The following PLEKHG5 variants were observed in gnomAD, a reference collection of about 807,000 sequenced individuals.
PLEKHG5 encodes pleckstrin homology and RhoGEF domain containing G5, also known as pleckstrin homology domain-containing family G member 5.
In PLEKHG5, 52 loss-of-function variants were observed where a neutral mutation model predicts 103.8. The observed-to-expected ratio is 0.50, with a 90% CI of 0.40 to 0.63. The LOEUF (loss-of-function observed/expected upper bound fraction) is 0.63. Ranked by LOEUF, PLEKHG5 falls within the 30% of genes least tolerant of loss-of-function variation. PLEKHG5 has a pLI of 0.00. For synonymous variants in PLEKHG5, 592 were observed against 575.5 expected (o/e 1.03, Z -0.41); for missense variants, 1,205 against 1,347.6 (o/e 0.89, Z 1.66).
At chr1:6,513,772 A>G (rs910082479) in intron 1 of PLEKHG5, among the ~76,000 whole-genome samples, 1 of 152,228 alleles carries the variant, frequency 6.6e-6, no homozygotes, top group Admixed American at 6.5e-5. Flanking sequence ...GGAAACTGTC[A>G]CTACTGTCAC....
chr1:6,508,062 A>G (rs1473360918), intron 1 of PLEKHG5, among the ~76,000 whole-genome samples: 1 of 152,016 alleles, frequency 6.6e-6, no homozygotes, highest in East Asian at 1.9e-4. Context: ...TGGGAGCCAC[A>G]CCTGGTTATT....
At chr1:6,510,052 C>T (rs2148636426) in intron 1 of PLEKHG5, among the ~76,000 whole-genome samples, 1 of 152,326 alleles carries the variant, frequency 6.6e-6, no homozygotes. Context: ...CCCAGGGCAG[C>T]CGGGGAGAGC....
chr1:6,489,088 G>A (rs796260554), intron 1 of PLEKHG5, among the ~76,000 whole-genome samples: 24 of 152,302 alleles, frequency 1.6e-4, no homozygotes, highest in African/African-American at 3.4e-4. Flanking sequence ...GACAGCAGAC[G>A]GGCCTGGAAC....
At chr1:6,497,336 G>T, upstream of PLEKHG5, 1 of 1,006,202 alleles carries the variant, frequency 9.9e-7, no homozygotes, top group Non-Finnish European at 1.3e-6. The surrounding 1 kb of genome is among the most constrained non-coding windows in gnomAD (Gnocchi z 6.1). Flanking sequence ...AGCAGGCCCC[G>T]TGCCGCGCGG....
chr1:6,498,136 G>GC (rs1645254527), upstream of PLEKHG5, among the ~76,000 whole-genome samples: 1 of 152,202 alleles, frequency 6.6e-6, no homozygotes, highest in Non-Finnish European at 1.5e-5. Context: ...CGCAGAGGTG[G>GC]CCAAGAGTCT....
At chr1:6,472,849 C>T (rs989545785) in intron 9 of PLEKHG5, 137 bp downstream of exon 9, 3 of 855,110 alleles carry the variant, frequency 3.5e-6, no homozygotes, top group African/African-American at 1.7e-5. Flanking sequence ...TTTCATCTAG[C>T]CTCAGTGTCT....
chr1:6,503,407 CT>C (rs111752953), intron 1 of PLEKHG5, among the ~76,000 whole-genome samples: 39,971 of 125,424 alleles, frequency 0.32, 6,193 homozygotes, highest in South Asian at 0.41. Flanking sequence ...ACAACCCTGT[CT>C]TTTTTTTTTT....
chr1:6,471,664 C>T (rs1256974977), intron 11 of PLEKHG5, 27 bp from the exon 12 acceptor site: 1 of 1,567,154 alleles, frequency 6.4e-7, no homozygotes, highest in Non-Finnish European at 8.6e-7. Context: ...GTGCGGTTGG[C>T]CACGCCCCTC....
chr1:6,491,942 T>G (rs1645156782), upstream of PLEKHG5, among the ~76,000 whole-genome samples: 1 of 152,228 alleles, frequency 6.6e-6, no homozygotes, highest in Non-Finnish European at 1.5e-5. This position sits in a 1 kb window ranked among gnomAD's most constrained non-coding sequence, Gnocchi z 4.1. Flanking sequence ...GAACCCCACC[T>G]CCCTGTCAAG....
intron 7 of PLEKHG5, 138 bp downstream of exon 7, chr1:6,473,875 C>T: frequency 4.6e-6 from 4 of 871,524 alleles, no homozygotes; most frequent in Non-Finnish European, 7.0e-6. Context: ...TCCCAGCCAA[C>T]CCCATTTTCC....
At chr1:6,485,575 C>G in intron 1 of PLEKHG5, 1 of 894,528 alleles carries the variant, frequency 1.1e-6, no homozygotes, top group Non-Finnish European at 1.5e-6. Context: ...CGGAACAGCC[C>G]CCAGCCCCCC....
At chr1:6,498,554 C>T (rs1188822080), upstream of PLEKHG5, among the ~76,000 whole-genome samples, 7 of 152,264 alleles carry the variant, frequency 4.6e-5, no homozygotes, top group Non-Finnish European at 1.0e-4. Context: ...GTGACCCTGA[C>T]AAGACTTGGG....
At chr1:6,495,670 A>G (rs1645214087), upstream of PLEKHG5, among the ~76,000 whole-genome samples, 1 of 152,128 alleles carries the variant, frequency 6.6e-6, no homozygotes, top group East Asian at 1.9e-4. Flanking sequence ...GCCAGATGCT[A>G]AGTTGCGCAG....
chr1:6,516,905 T>C (rs373723249), intron 1 of PLEKHG5, among the ~76,000 whole-genome samples: 336 of 9,174 alleles, frequency 0.037, 2 homozygotes, highest in South Asian at 0.08. Context: ...TATATATATA[T>C]ACACACACAC....
chr1:6,497,368 C>T (rs1384844765), upstream of PLEKHG5: 3 of 1,071,338 alleles, frequency 2.8e-6, no homozygotes, highest in Non-Finnish European at 3.4e-6. The surrounding 1 kb of genome is among the most constrained non-coding windows in gnomAD (Gnocchi z 6.1). Flanking sequence ...CGGGCGGGGG[C>T]GCCGGGGACG....
At chr1:6,504,370 C>A (rs1006124216) in intron 1 of PLEKHG5, among the ~76,000 whole-genome samples, 2 of 152,142 alleles carry the variant, frequency 1.3e-5, no homozygotes, top group Non-Finnish European at 2.9e-5. Flanking sequence ...ATGTCCTGCC[C>A]TCCCTGCCTT....
intron 10 of PLEKHG5, among the ~76,000 whole-genome samples, chr1:6,472,193 G>A (rs1322726174): frequency 6.6e-6 from 1 of 152,174 alleles, no homozygotes; most frequent in Non-Finnish European, 1.5e-5. Flanking sequence ...TCCCTGAGCC[G>A]AAATCCCTAC....
At chr1:6,502,613 C>A (rs1277904865) in intron 1 of PLEKHG5, among the ~76,000 whole-genome samples, 3 of 152,264 alleles carry the variant, frequency 2.0e-5, no homozygotes, top group African/African-American at 7.2e-5. Flanking sequence ...TGGGCTTCCT[C>A]CAGAGGTTCC....
Position 6,467,502 on chromosome 1 carries a change from C to G in PLEKHG5, c.*61G>C. On this transcript the variant is annotated 3_prime_UTR_variant, in exon 21 of 21. Coordinates refer to ENST00000377728, the MANE Select transcript of PLEKHG5 (RefSeq NM_020631.6). The stretch of plus-strand genomic sequence containing the variant: ...GTAGCTGAAGCAGGTGCCGGCACGC[C>G]CCAGGAGGCAGGCTGTCTGCTGTCT... 1 of 1,561,398 alleles carries G rather than the reference C, an allele frequency of 6.4e-7. No individual in the cohort carries two copies. The highest frequency in any genetic ancestry group is 8.8e-7 in the Non-Finnish European group (1 of 1,132,756).
Sources: gnomAD v4.1 joint callset for allele counts (sites outside exome capture counted in the v4.1 genomes callset) on GRCh38, gnomAD v4.1.1 for gene constraint, Gnocchi (gnomAD v3.1) non-coding constraint, MANE v1.5 for transcripts, NCBI Gene and HGNC (gene_info 2026-07-23, HGNC 2026-07-21) for gene names.